OLFM3: variants seen among roughly 807,000 people sequenced by gnomAD.
OLFM3 encodes noelin-3.
Under a neutral mutation model 48.6 loss-of-function variants are expected in OLFM3, and 20 were observed. That is an observed-to-expected ratio of 0.41 (90% CI 0.29 to 0.60). The LOEUF (loss-of-function observed/expected upper bound fraction) is 0.60, where lower values mean the gene tolerates loss of function less well. Among genes scored for constraint, OLFM3 ranks in the 20% least tolerant of loss-of-function variants. The pLI is 0.28. For missense variants in OLFM3, 437 were observed against 544.3 expected, an observed-to-expected ratio of 0.80 and a Z score of 1.96; for synonymous variants, 222 against 198.1, an observed-to-expected ratio of 1.12 and a Z score of -1.01.
At chr1:101,957,591 T>C (rs1660336030) in intron 1 of OLFM3, among the ~76,000 whole-genome samples, 1 of 152,054 alleles carries the variant, frequency 6.6e-6, no homozygotes, top group Non-Finnish European at 1.5e-5. Flanking sequence ...ATGTGCATGA[T>C]TGGTTATTGC....
chr1:101,854,452 G>C (rs540782258), intron 1 of OLFM3, among the ~76,000 whole-genome samples: 3 of 152,036 alleles, frequency 2.0e-5, no homozygotes, highest in African/African-American at 4.8e-5. Context: ...GGGATCCTCC[G>C]TTGGCAGCTG....
Position 101,809,747 on chromosome 1 carries a change from A to C in OLFM3, c.593-3565T>G, listed in dbSNP as rs1653958131. On this transcript the variant is annotated intron_variant, in intron 4 of 5. Transcript: ENST00000370103. ...TAGAGAAACTGGGTAATGCAGAGGC[A>C]TTTATTGATGTATACAAAATAATTC... Among the ~76,000 whole-genome samples, 4 of 151,992 alleles carry C rather than the reference A, an allele frequency of 2.6e-5. No homozygotes were observed. In the South Asian group the frequency reaches 8.3e-4, roughly 32 times the overall value.
rs192475035 is a variant in OLFM3 at position 101,803,280 on chromosome 1, A to G, written c.*958T>C. On this transcript the variant is annotated 3_prime_UTR_variant, in exon 6 of 6. Coordinates refer to ENST00000370103, the MANE Select transcript of OLFM3 (RefSeq NM_058170.4). ...ATGCTAGTACATTTAACTATGAAGA[A>G]CAAAATTTCTTTAGTGTATAATAAA... is the stretch of plus-strand genomic sequence containing the variant. 1 of 152,258 alleles carries G rather than the reference A, an allele frequency of 6.6e-6. No individual in the cohort carries two copies. Among genetic ancestry groups the G allele is most frequent in the Non-Finnish European group, 1.5e-5 (1 of 67,742 alleles). 9.4% of individuals were successfully genotyped at this position (152,258 alleles called of 1,614,324 possible).
chr1:101,838,386 A>G (rs927916436), intron 1 of OLFM3, among the ~76,000 whole-genome samples: 1 of 152,048 alleles, frequency 6.6e-6, no homozygotes, highest in Non-Finnish European at 1.5e-5. Context: ...AATATTTCCT[A>G]TTTGACCTAT....
rs1302675565 is a variant in OLFM3, at chr1:101,845,049, C to G, written c.70-8024G>C. Among the ~76,000 whole-genome samples the G allele has an allele frequency of 3.3e-5, 5 of 152,106 alleles. No individual in the cohort carries two copies. The East Asian group carries it at 9.7e-4, about 29-fold the overall frequency. ...ACCTAAAATAAAAAAAAGAAACATC[C>G]AAAAAAGGTTTTCTCCATTCCAGTG... On this transcript the variant is annotated intron_variant, in intron 1 of 5. Transcript: ENST00000370103.
rs573842182 is a variant in OLFM3, at chr1:101,970,299, G to A, written c.69+26449C>T. Among the ~76,000 whole-genome samples the A allele has an allele frequency of 3.3e-5, 5 of 152,200 alleles. 1 individual carries two copies. In the East Asian group the frequency reaches 9.6e-4, roughly 29 times the overall value. ...CCCAAAGTGCTGGGATTACAGGCAT[G>A]AGCCACTGTGCCAGCCTTTTTCTTT... On this transcript the variant is annotated intron_variant, in intron 1 of 5. Transcript: ENST00000370103.
At chr1:101,845,677 T>C (rs1458609535) in intron 1 of OLFM3, among the ~76,000 whole-genome samples, 2 of 152,196 alleles carry the variant, frequency 1.3e-5, no homozygotes, top group Non-Finnish European at 2.9e-5. Context: ...GCCAGGCCAC[T>C]TCATGCAGGT....
At chr1:101,968,724 A>G (rs1363801668) in intron 1 of OLFM3, among the ~76,000 whole-genome samples, 6 of 152,200 alleles carry the variant, frequency 3.9e-5, no homozygotes, top group Non-Finnish European at 7.3e-5. Context: ...CTGTCTCTCA[A>G]TGACTTCAGT....
At chr1:101,989,431 T>C (rs1242680799) in intron 1 of OLFM3, among the ~76,000 whole-genome samples, 1 of 152,134 alleles carries the variant, frequency 6.6e-6, no homozygotes, top group Non-Finnish European at 1.5e-5. Flanking sequence ...ATTTCTGTAT[T>C]TTAGATTCCC....
At chr1:101,943,811 G>T (rs1659866559) in intron 1 of OLFM3, among the ~76,000 whole-genome samples, 1 of 151,972 alleles carries the variant, frequency 6.6e-6, no homozygotes, top group African/African-American at 2.4e-5. Context: ...TATATCTAAA[G>T]GAGGATTACT....
At chr1:101,930,901 A>C (rs898446059) in intron 1 of OLFM3, among the ~76,000 whole-genome samples, 5 of 152,238 alleles carry the variant, frequency 3.3e-5, no homozygotes, top group Non-Finnish European at 7.3e-5. Flanking sequence ...AGGATTATCA[A>C]AATAATGGGA....
intron 1 of OLFM3, among the ~76,000 whole-genome samples, chr1:101,897,259 C>T (rs796944729): frequency 1.9e-4 from 29 of 151,964 alleles, no homozygotes; most frequent in African/African-American, 6.5e-4. Flanking sequence ...TAAATAAATG[C>T]CTATAAAATA....
chr1:101,824,930 T>G (rs1654785534), intron 4 of OLFM3, 96 bp downstream of exon 4: 1 of 1,046,356 alleles, frequency 9.6e-7, no homozygotes, highest in Non-Finnish European at 1.4e-6. Context: ...TTCTTTACAA[T>G]TAGATATTTT....
intron 1 of OLFM3, among the ~76,000 whole-genome samples, chr1:101,948,449 G>A (rs7550320): frequency 0.072 from 10,749 of 149,682 alleles, 441 homozygotes; most frequent in South Asian, 0.14. Context: ...GTTAAGACTT[G>A]TATGAGAGAG....
intron 1 of OLFM3, among the ~76,000 whole-genome samples, chr1:101,937,408 C>T (rs150773546): frequency 0.015 from 2,257 of 152,216 alleles, 29 homozygotes; most frequent in Non-Finnish European, 0.023. Context: ...TGGCTGTGTC[C>T]CAACCTAAAT....
intron 1 of OLFM3, among the ~76,000 whole-genome samples, chr1:101,993,021 T>C (rs1029715136): frequency 5.3e-5 from 8 of 152,154 alleles, no homozygotes; most frequent in African/African-American, 1.9e-4. Flanking sequence ...TTCCTCAAAC[T>C]CAGCACGGTT....
intron 4 of OLFM3, among the ~76,000 whole-genome samples, chr1:101,809,950 A>G (rs1653969014): frequency 6.6e-6 from 1 of 152,004 alleles, no homozygotes; most frequent in Non-Finnish European, 1.5e-5. Context: ...AACTAATTAC[A>G]TAAAACTTCT....
At chr1:101,949,318 A>G (rs578089804) in intron 1 of OLFM3, among the ~76,000 whole-genome samples, 1 of 152,278 alleles carries the variant, frequency 6.6e-6, no homozygotes, top group African/African-American at 2.4e-5. Context: ...AGAAAGACAG[A>G]AAGGTATTTT....
At chr1:101,912,023 C>G (rs1483311437) in intron 1 of OLFM3, among the ~76,000 whole-genome samples, 1 of 152,160 alleles carries the variant, frequency 6.6e-6, no homozygotes, top group Non-Finnish European at 1.5e-5. Context: ...GGCAGTGAGG[C>G]ATGACAGGTC....
Sources: allele counts gnomAD v4.1 joint callset (sites outside exome capture counted in the v4.1 genomes callset), GRCh38; gene constraint gnomAD v4.1.1; transcripts MANE v1.5; gene names NCBI Gene and HGNC (gene_info 2026-07-23, HGNC 2026-07-21).